Variants in LRMDA observed in about 807,000 individuals in gnomAD.
LRMDA encodes leucine-rich melanocyte differentiation-associated protein.
A neutral mutation model predicts 29.8 loss-of-function variants in LRMDA; 18 were observed. The ratio of observed to expected loss-of-function variants is 0.60; its 90% CI spans 0.42 to 0.90. The LOEUF is 0.90. Ranked by LOEUF, LRMDA falls within the 40% of genes least tolerant of loss-of-function variation. LRMDA has a pLI of 0.00. For missense variants in LRMDA, 273 were observed against 273.9 expected (o/e 1.00, Z 0.02); for synonymous variants, 125 against 109.4 (o/e 1.14, Z -0.89).
At chr10:75,919,265 C>T (rs758812982) in intron 2 of LRMDA, among the ~76,000 whole-genome samples, 91 of 152,054 alleles carry the variant, frequency 6.0e-4, no homozygotes, top group Non-Finnish European at 1.9e-4. Context: ...CCAAAGCTGT[C>T]GGGGATGTTT....
chr10:76,192,861 C>T (rs949932083), intron 5 of LRMDA, among the ~76,000 whole-genome samples: 8 of 152,104 alleles, frequency 5.3e-5, no homozygotes, highest in Non-Finnish European at 1.0e-4. Context: ...TTGCACTGCT[C>T]CGAACAATGT....
At chr10:76,177,239 C>T (rs1850953335) in intron 5 of LRMDA, among the ~76,000 whole-genome samples, 1 of 152,188 alleles carries the variant, frequency 6.6e-6, no homozygotes, top group Non-Finnish European at 1.5e-5. Context: ...TTGAAAGGTA[C>T]ATCACATGAT....
At chr10:76,462,476 G>C (rs995824966) in intron 6 of LRMDA, among the ~76,000 whole-genome samples, 2 of 152,200 alleles carry the variant, frequency 1.3e-5, no homozygotes, top group Admixed American at 1.3e-4. Context: ...TCTTCACCCA[G>C]CTCCTTTTTG....
At chr10:76,386,250 G>A (rs1163294957) in intron 6 of LRMDA, among the ~76,000 whole-genome samples, 2 of 152,164 alleles carry the variant, frequency 1.3e-5, no homozygotes, top group East Asian at 3.9e-4. Context: ...TACCAAGTGA[G>A]TAGAGAGCTG....
At chr10:75,768,631 C>T (rs931022631) in intron 2 of LRMDA, among the ~76,000 whole-genome samples, 5 of 152,184 alleles carry the variant, frequency 3.3e-5, no homozygotes, top group African/African-American at 9.6e-5. Flanking sequence ...TCTCCAAATG[C>T]GGTCTTTCAG....
At chr10:75,877,464 C>A (rs1457349679) in intron 2 of LRMDA, among the ~76,000 whole-genome samples, 1 of 152,170 alleles carries the variant, frequency 6.6e-6, no homozygotes, top group Admixed American at 6.5e-5. Context: ...TCTTAGATTG[C>A]GTGTGAGCTC....
intron 2 of LRMDA, among the ~76,000 whole-genome samples, chr10:75,932,636 A>T (rs1047032628): frequency 6.8e-6 from 1 of 147,516 alleles, no homozygotes; most frequent in Non-Finnish European, 1.5e-5. Flanking sequence ...AAAACAACAG[A>T]AAAAAAAACC....
intron 6 of LRMDA, among the ~76,000 whole-genome samples, chr10:76,368,372 G>T (rs542768835): frequency 6.6e-6 from 1 of 152,222 alleles, no homozygotes; most frequent in South Asian, 2.1e-4. Context: ...TGTTCATTCA[G>T]GAGCAGGTTA....
intron 2 of LRMDA, among the ~76,000 whole-genome samples, chr10:75,602,802 A>T (rs527436998): frequency 6.6e-6 from 1 of 152,238 alleles, no homozygotes; most frequent in African/African-American, 2.4e-5. Context: ...TATTAAAAAA[A>T]GTTCAGATTC....
intron 5 of LRMDA, among the ~76,000 whole-genome samples, chr10:76,081,958 A>G (rs1849056414): frequency 6.6e-6 from 1 of 152,184 alleles, no homozygotes; most frequent in Non-Finnish European, 1.5e-5. Context: ...TTTCGGTGCC[A>G]TAGAACCAAG....
chr10:76,113,613 C>T (rs769904615), intron 5 of LRMDA, among the ~76,000 whole-genome samples: 11 of 152,076 alleles, frequency 7.2e-5, no homozygotes, highest in Non-Finnish European at 1.3e-4. Flanking sequence ...CCCCATTTCT[C>T]ATCCATAGCA....
At chr10:76,432,444 T>A (rs1214154590) in intron 6 of LRMDA, among the ~76,000 whole-genome samples, 1 of 152,210 alleles carries the variant, frequency 6.6e-6, no homozygotes, top group Non-Finnish European at 1.5e-5. Flanking sequence ...AACTTTGAGA[T>A]GATCTGGCCC....
intron 2 of LRMDA, among the ~76,000 whole-genome samples, chr10:75,580,900 C>G (rs1840581897): frequency 6.6e-6 from 1 of 152,206 alleles, no homozygotes; most frequent in South Asian, 2.1e-4. Flanking sequence ...CTTCCTTACA[C>G]TTTATACAAA....
At chr10:75,863,498 T>C (rs953234248) in intron 2 of LRMDA, among the ~76,000 whole-genome samples, 5 of 152,202 alleles carry the variant, frequency 3.3e-5, no homozygotes, top group African/African-American at 1.2e-4. Flanking sequence ...CCACACTACC[T>C]GGACTCAGGT....
At chr10:76,459,023 C>T (rs1842486117) in intron 6 of LRMDA, among the ~76,000 whole-genome samples, 1 of 152,064 alleles carries the variant, frequency 6.6e-6, no homozygotes, top group African/African-American at 2.4e-5. Context: ...AAGAGCCTAG[C>T]CAGATGCACA....
intron 6 of LRMDA, among the ~76,000 whole-genome samples, chr10:76,345,430 A>G (rs1301796110): frequency 2.7e-5 from 4 of 149,302 alleles, no homozygotes; most frequent in Non-Finnish European, 4.4e-5. Context: ...TTATTTGGCA[A>G]TTGTATTACA....
intron 5 of LRMDA, among the ~76,000 whole-genome samples, chr10:76,182,666 ATGTCTGG>A (rs1851071568): frequency 6.6e-6 from 1 of 152,152 alleles, no homozygotes; most frequent in South Asian, 2.1e-4. Flanking sequence ...ACATGGAAAA[ATGTCTGG>A]TGTCCCTGAC....
intron 2 of LRMDA, among the ~76,000 whole-genome samples, chr10:75,586,457 AAGGGAG>A (rs1292357861): frequency 6.8e-6 from 1 of 146,666 alleles, no homozygotes; most frequent in Non-Finnish European, 1.5e-5. Flanking sequence ...TCCTGGGCTC[AAGGGAG>A]TCTCCCACCT....
chr10:76,490,072 A>G (rs779433172), intron 6 of LRMDA, among the ~76,000 whole-genome samples: 1 of 151,978 alleles, frequency 6.6e-6, no homozygotes, highest in Non-Finnish European at 1.5e-5. Context: ...TCAGGAGCAT[A>G]TTGTTTAATT....
Sources: allele counts gnomAD v4.1 joint callset (sites outside exome capture counted in the v4.1 genomes callset), GRCh38; gene constraint gnomAD v4.1.1; transcripts MANE v1.5; gene names NCBI Gene and HGNC (gene_info 2026-07-23, HGNC 2026-07-21).